The following PDE1A variants were observed in gnomAD, a reference collection of about 807,000 sequenced individuals.
PDE1A encodes the protein phosphodiesterase 1A, also known as dual specificity calcium/calmodulin-dependent 3',5'-cyclic nucleotide phosphodiesterase 1A.
In PDE1A, 35 loss-of-function variants were observed where a neutral mutation model predicts 61.7. The observed-to-expected ratio is 0.57, with a 90% CI of 0.43 to 0.75. The LOEUF is 0.75. Among genes scored for constraint, PDE1A ranks in the 30% least tolerant of loss-of-function variants. PDE1A has a pLI of 0.00. For missense variants in PDE1A, 597 were observed against 630.6 expected, an observed-to-expected ratio of 0.95 and a Z score of 0.57; for synonymous variants, 232 against 213.2, an observed-to-expected ratio of 1.09 and a Z score of -0.77.
chr2:182,355,901 T>C (rs745602406), intron 1 of PDE1A, among the ~76,000 whole-genome samples: 12 of 152,290 alleles, frequency 7.9e-5, no homozygotes, highest in Admixed American at 2.0e-4. Context: ...TTCATTTGCA[T>C]TGAGTTATAG....
At chr2:182,242,778 C>T (rs1690621178) in intron 2 of PDE1A, among the ~76,000 whole-genome samples, 1 of 152,146 alleles carries the variant, frequency 6.6e-6, no homozygotes, top group Non-Finnish European at 1.5e-5. Context: ...GGGTTTCCAG[C>T]CTGCCAGTTT....
chr2:182,686,959 C>G, the PDE1A span, among the ~76,000 whole-genome samples: 12 of 152,348 alleles, frequency 7.9e-5, no homozygotes, highest in African/African-American at 2.2e-4. Flanking sequence ...GATCAAACTT[C>G]AAGGCGGCAG....
chr2:182,317,101 A>G (rs1024305579), intron 1 of PDE1A, among the ~76,000 whole-genome samples: 2 of 152,200 alleles, frequency 1.3e-5, no homozygotes, highest in Non-Finnish European at 2.9e-5. Flanking sequence ...TAATGCACAC[A>G]CTTAAGTATA....
the PDE1A span, among the ~76,000 whole-genome samples, chr2:182,563,817 T>C: frequency 1.0e-3 from 156 of 152,326 alleles, no homozygotes; most frequent in African/African-American, 3.6e-3. Flanking sequence ...GTAATGCCCT[T>C]CTTTGTCTCT....
the PDE1A span, among the ~76,000 whole-genome samples, chr2:182,623,232 G>A: frequency 6.6e-6 from 1 of 152,130 alleles, no homozygotes; most frequent in African/African-American, 2.4e-5. Context: ...GAGGATGGAG[G>A]TGACAGCACA....
the PDE1A span, chr2:182,716,163 C>T: frequency 6.6e-6 from 1 of 152,464 alleles, no homozygotes; most frequent in Admixed American, 6.5e-5. Context: ...CCGCCCTCTC[C>T]ACCCCACCGC....
At chr2:182,368,037 C>T (rs541351132) in intron 1 of PDE1A, among the ~76,000 whole-genome samples, 2 of 152,018 alleles carry the variant, frequency 1.3e-5, no homozygotes, top group Admixed American at 6.6e-5. Flanking sequence ...ACCATACATC[C>T]ACCACTCCAC....
chr2:182,591,422 A>G, the PDE1A span, among the ~76,000 whole-genome samples: 1 of 152,192 alleles, frequency 6.6e-6, no homozygotes. Flanking sequence ...TCTGGCAGCA[A>G]GAGTCAGCTA....
At chr2:182,256,633 C>A (rs1029819812) in intron 2 of PDE1A, among the ~76,000 whole-genome samples, 1 of 152,078 alleles carries the variant, frequency 6.6e-6, no homozygotes, top group Non-Finnish European at 1.5e-5. Context: ...CAATGATAGA[C>A]TGGATTAAGA....
At chr2:182,208,330 G>A (rs902318142) in intron 7 of PDE1A, among the ~76,000 whole-genome samples, 1 of 152,116 alleles carries the variant, frequency 6.6e-6, no homozygotes, top group African/African-American at 2.4e-5. Flanking sequence ...GGGAAGCAAG[G>A]CACATCTTAA....
At chr2:182,650,651 TTAAGTA>T in the PDE1A span, among the ~76,000 whole-genome samples, 32 of 152,324 alleles carry the variant, frequency 2.1e-4, no homozygotes, top group African/African-American at 7.5e-4. Context: ...TACAAGGTAA[TTAAGTA>T]AAATGTCATA....
At chr2:182,238,053 G>A (rs907685203) in intron 3 of PDE1A, among the ~76,000 whole-genome samples, 13 of 151,954 alleles carry the variant, frequency 8.6e-5, no homozygotes, top group African/African-American at 2.9e-4. Context: ...TGGATCACGA[G>A]GTCAGGAGAT....
downstream of PDE1A, among the ~76,000 whole-genome samples, chr2:182,164,391 A>G (rs1194937001): frequency 1.3e-5 from 2 of 152,146 alleles, no homozygotes; most frequent in East Asian, 3.9e-4. Flanking sequence ...TAATTGGAAT[A>G]TTGGTAACAC....
At chr2:182,622,603 T>A in the PDE1A span, among the ~76,000 whole-genome samples, 1 of 152,146 alleles carries the variant, frequency 6.6e-6, no homozygotes, top group South Asian at 2.1e-4. Context: ...ATGATAGGAA[T>A]GAATGTATAT....
At chr2:182,657,000 A>G in the PDE1A span, among the ~76,000 whole-genome samples, 1 of 152,306 alleles carries the variant, frequency 6.6e-6, no homozygotes, top group African/African-American at 2.4e-5. Context: ...CAAGGTGGGC[A>G]GATCACAAGG....
At chr2:182,550,702 C>A in the PDE1A span, among the ~76,000 whole-genome samples, 2 of 152,150 alleles carry the variant, frequency 1.3e-5, no homozygotes, top group Non-Finnish European at 2.9e-5. Flanking sequence ...GGATTCTATA[C>A]CTCTGTGCCA....
At chr2:182,577,987 A>AG in the PDE1A span, among the ~76,000 whole-genome samples, 197 of 147,532 alleles carry the variant, frequency 1.3e-3, 2 homozygotes, top group African/African-American at 4.7e-3. Flanking sequence ...GAAGGAAGGA[A>AG]GGAAGGGACG....
chr2:182,176,166 G>A (rs370581907), intron 13 of PDE1A, among the ~76,000 whole-genome samples: 22,934 of 146,872 alleles, frequency 0.16, 2,190 homozygotes, highest in East Asian at 0.3. Flanking sequence ...TTGGCGATGC[G>A]GGCTCTTTTT....
chr2:182,234,496 A>C (rs1574097910), exon 4 of PDE1A: 1 of 1,590,046 alleles, frequency 6.3e-7, no homozygotes, highest in Non-Finnish European at 8.6e-7. Flanking sequence ...TTTTCGGTAC[A>C]TTCTAAAAAA....
Sources: allele counts gnomAD v4.1 joint callset (sites outside exome capture counted in the v4.1 genomes callset), GRCh38; gene constraint gnomAD v4.1.1; transcripts MANE v1.5; gene names NCBI Gene and HGNC (gene_info 2026-07-23, HGNC 2026-07-21).